MYO1D: variants seen among roughly 807,000 people sequenced by gnomAD.
The protein encoded by MYO1D is myosin ID.
A neutral mutation model predicts 122.0 loss-of-function variants in MYO1D; 83 were observed. That is an observed-to-expected ratio of 0.68 (90% CI 0.57 to 0.82). The LOEUF (loss-of-function observed/expected upper bound fraction) is 0.82. Ranked by LOEUF, MYO1D falls within the 40% of genes least tolerant of loss-of-function variation. The probability of loss-of-function intolerance (pLI) is 0.00; values close to 1 mark genes in which losing one functional copy is unlikely to be tolerated. For missense variants in MYO1D, 1,157 were observed against 1,269.5 expected, an observed-to-expected ratio of 0.91 and a Z score of 1.35; for synonymous variants, 464 against 446.9, an observed-to-expected ratio of 1.04 and a Z score of -0.48.
chr17:32,838,151 C>T (rs935483127), intron 1 of MYO1D, among the ~76,000 whole-genome samples: 1 of 152,062 alleles, frequency 6.6e-6, no homozygotes, highest in African/African-American at 2.4e-5. Flanking sequence ...TCATGTCAAA[C>T]TATATTCTTA....
intron 16 of MYO1D, among the ~76,000 whole-genome samples, chr17:32,694,473 GGGTGGATCATGA>G (rs1421171872): frequency 2.6e-5 from 4 of 151,922 alleles, no homozygotes; most frequent in Non-Finnish European, 5.9e-5. Flanking sequence ...AGGTCGAGGC[GGGTGGATCATGA>G]GGTCAGGAGA....
At chr17:32,664,569 G>C (rs964826329) in intron 16 of MYO1D, among the ~76,000 whole-genome samples, 2 of 152,200 alleles carry the variant, frequency 1.3e-5, no homozygotes, top group Non-Finnish European at 2.9e-5. Flanking sequence ...ACATGCTTTA[G>C]GATATGAGGC....
At chr17:32,678,769 T>A (rs1021540472) in intron 16 of MYO1D, among the ~76,000 whole-genome samples, 1 of 149,362 alleles carries the variant, frequency 6.7e-6, no homozygotes, top group Non-Finnish European at 1.5e-5. Flanking sequence ...TTTGGGTATA[T>A]ACCCAGTAAT....
At chr17:32,523,896 C>A (rs1910247363) in intron 21 of MYO1D, among the ~76,000 whole-genome samples, 1 of 151,896 alleles carries the variant, frequency 6.6e-6, no homozygotes, top group Non-Finnish European at 1.5e-5. Context: ...AACTTCTTAA[C>A]CTCTCCAAGC....
chr17:32,748,924 T>TA lies in MYO1D; in HGVS notation c.1538+11dup. 6.2e-7 allele frequency: 1 copy of TA among 1,608,354 alleles called. No individual in the cohort carries two copies. The highest frequency in any genetic ancestry group is 8.5e-7 in the Non-Finnish European group (1 of 1,175,070). ...ATGCAAATCATGGTAGGTACCAAGGTAAGATACTCACACTACATCGCCTGC... is the reference window on the plus strand; with the variant it reads ...ATGCAAATCATGGTAGGTACCAAGGTAAAGATACTCACACTACATCGCCTGC... On this transcript the variant is annotated intron_variant, in intron 12 of 21. Coordinates refer to ENST00000318217, the MANE Select transcript of MYO1D (RefSeq NM_015194.3).
At chr17:32,514,577 A>T (rs1909821484) in intron 21 of MYO1D, among the ~76,000 whole-genome samples, 1 of 152,254 alleles carries the variant, frequency 6.6e-6, no homozygotes, top group African/African-American at 2.4e-5. Flanking sequence ...ATAGCAGGTC[A>T]CACTCTCCAA....
At chr17:32,734,411 T>C (rs1040104532) in intron 14 of MYO1D, among the ~76,000 whole-genome samples, 5 of 152,170 alleles carry the variant, frequency 3.3e-5, no homozygotes, top group Admixed American at 3.3e-4. Context: ...TTGATTACTT[T>C]TTTGTTCCAT....
At chr17:32,550,136 G>A (rs1258777816) in intron 21 of MYO1D, among the ~76,000 whole-genome samples, 1 of 145,346 alleles carries the variant, frequency 6.9e-6, no homozygotes, top group East Asian at 2.0e-4. Flanking sequence ...GTCTAACTCT[G>A]TTGCCCAGGC....
At chr17:32,706,002 C>T (rs1222830516) in intron 16 of MYO1D, among the ~76,000 whole-genome samples, 2 of 152,204 alleles carry the variant, frequency 1.3e-5, no homozygotes, top group Non-Finnish European at 2.9e-5. Context: ...GTCAATTAAA[C>T]CTCTTTCCTT....
intron 21 of MYO1D, among the ~76,000 whole-genome samples, chr17:32,568,610 T>G (rs752782734): frequency 2.2e-4 from 34 of 152,216 alleles, no homozygotes; most frequent in Non-Finnish European, 4.0e-4. Context: ...GCTCTATTGA[T>G]GATTATGTTG....
intron 2 of MYO1D, among the ~76,000 whole-genome samples, chr17:32,780,006 GGTCCTTGAAGGGCT>G (rs2090218705): frequency 6.6e-6 from 1 of 151,998 alleles, no homozygotes; most frequent in Non-Finnish European, 1.5e-5. Flanking sequence ...ACTACATAAG[GGTCCTTGAAGGGCT>G]CCCCTTAACG....
chr17:32,631,502 C>A (rs1288007532), intron 20 of MYO1D, among the ~76,000 whole-genome samples: 2 of 151,968 alleles, frequency 1.3e-5, no homozygotes, highest in African/African-American at 4.8e-5. Context: ...CAAAGTTTAG[C>A]CAAGAGTAGT....
intron 21 of MYO1D, among the ~76,000 whole-genome samples, chr17:32,603,402 A>C (rs1226563928): frequency 6.6e-6 from 1 of 152,156 alleles, no homozygotes; most frequent in African/African-American, 2.4e-5. Flanking sequence ...AACAAATTAA[A>C]ATTCCTTTAA....
chr17:32,625,350 T>C (rs2087913489), intron 20 of MYO1D, among the ~76,000 whole-genome samples: 1 of 152,144 alleles, frequency 6.6e-6, no homozygotes, highest in Non-Finnish European at 1.5e-5. Context: ...TGTGGCTACC[T>C]CTGGCTCTGA....
chr17:32,515,642 C>CGACATAGTA (rs1555621524), intron 21 of MYO1D, among the ~76,000 whole-genome samples: 2 of 152,106 alleles, frequency 1.3e-5, no homozygotes, highest in Non-Finnish European at 2.9e-5. Flanking sequence ...TTGGGGCTGA[C>CGACATAGTA]GACATAGTTC....
At chr17:32,839,717 A>C (rs1419930225) in intron 1 of MYO1D, among the ~76,000 whole-genome samples, 2 of 152,208 alleles carry the variant, frequency 1.3e-5, no homozygotes, top group African/African-American at 4.8e-5. Context: ...AGTGGACAAA[A>C]CAGAGATACT....
chr17:32,511,909 G>C (rs1268607443), intron 21 of MYO1D, among the ~76,000 whole-genome samples: 3 of 152,120 alleles, frequency 2.0e-5, no homozygotes, highest in African/African-American at 7.2e-5. Flanking sequence ...TGGGTCACTG[G>C]ATAGAGGAGT....
chr17:32,527,612 G>A (rs1479789946), intron 21 of MYO1D, among the ~76,000 whole-genome samples: 2 of 151,520 alleles, frequency 1.3e-5, no homozygotes, highest in Non-Finnish European at 2.9e-5. Context: ...GGGCAACATA[G>A]TGAGACCCCG....
At chr17:32,802,779 C>A (rs557491156) in intron 1 of MYO1D, among the ~76,000 whole-genome samples, 1 of 152,262 alleles carries the variant, frequency 6.6e-6, no homozygotes, top group South Asian at 2.1e-4. Context: ...CTTGTTTATA[C>A]AGATTATAAT....
Sources: allele counts gnomAD v4.1 joint callset (sites outside exome capture counted in the v4.1 genomes callset), GRCh38; gene constraint gnomAD v4.1.1; transcripts MANE v1.5; gene names NCBI Gene and HGNC (gene_info 2026-07-23, HGNC 2026-07-21).